TMIGD3: variants seen among roughly 807,000 people sequenced by gnomAD.
TMIGD3 encodes the protein transmembrane and immunoglobulin domain containing 3.
In TMIGD3, 21 loss-of-function variants were observed where a neutral mutation model predicts 28.1. The ratio of observed to expected loss-of-function variants is 0.75; its 90% CI spans 0.53 to 1.08. The LOEUF is 1.08. TMIGD3 is among the 50% of genes least tolerant of loss of function. The probability of loss-of-function intolerance (pLI) is 0.00; values close to 1 mark genes in which losing one functional copy is unlikely to be tolerated. For missense variants in TMIGD3, 416 were observed against 435.6 expected (o/e 0.96, Z 0.40); for synonymous variants, 151 against 162.1 (o/e 0.93, Z 0.52).
intron 5 of TMIGD3, among the ~76,000 whole-genome samples, chr1:111,484,357 A>G (rs1361134): frequency 0.59 from 89,205 of 151,766 alleles, 26,158 homozygotes; most frequent in Middle Eastern, 0.69. Flanking sequence ...GGGAGTATGA[A>G]AATGAGACCC....
chr1:111,538,040 C>T (rs1656698362), intron 1 of TMIGD3, among the ~76,000 whole-genome samples: 2 of 152,090 alleles, frequency 1.3e-5, no homozygotes, highest in African/African-American at 4.8e-5. Context: ...TTTGTTAACT[C>T]ATATGGCATT....
chr1:111,524,047 T>TTGGG (rs1553203774), intron 1 of TMIGD3, among the ~76,000 whole-genome samples: 4 of 130,332 alleles, frequency 3.1e-5, no homozygotes, highest in South Asian at 2.5e-4. Context: ...TTTTTTTTTT[T>TTGGG]GGGATGGAAT....
intron 1 of TMIGD3, among the ~76,000 whole-genome samples, chr1:111,497,030 A>T (rs539893588): frequency 2.6e-5 from 4 of 152,332 alleles, no homozygotes; most frequent in African/African-American, 7.2e-5. Flanking sequence ...CCTTTAGAAT[A>T]AAAGCCCGCA....
chr1:111,542,246 C>A, intron 1 of TMIGD3: 2 of 607,466 alleles, frequency 3.3e-6, no homozygotes, highest in Non-Finnish European at 6.1e-6. Flanking sequence ...GAAACACTGG[C>A]GGCACATATT....
At chr1:111,504,241 T>C (rs938090053), upstream of TMIGD3, 3 of 567,612 alleles carry the variant, frequency 5.3e-6, no homozygotes, top group African/African-American at 6.1e-5. Flanking sequence ...CCTAGCAAAA[T>C]CACACTGGCA....
chr1:111,489,593 G>A, intron 2 of TMIGD3: 2 of 1,131,272 alleles, frequency 1.8e-6, no homozygotes, highest in Non-Finnish European at 2.2e-6. Flanking sequence ...CTTTTCCCTG[G>A]CCTAAGGGTG....
At chr1:111,545,771 T>G (rs1295075740) in intron 1 of TMIGD3, among the ~76,000 whole-genome samples, 1 of 152,142 alleles carries the variant, frequency 6.6e-6, no homozygotes, top group Non-Finnish European at 1.5e-5. Context: ...AGTTAGTTAT[T>G]TGATCGATTT....
intron 1 of TMIGD3, among the ~76,000 whole-genome samples, chr1:111,558,046 A>T (rs1350413750): frequency 3.3e-5 from 5 of 152,232 alleles, no homozygotes; most frequent in African/African-American, 9.6e-5. Context: ...GAGAGAAAGG[A>T]ATAGGAATAA....
chr1:111,486,718 C>A, intron 3 of TMIGD3, 66 bp from the exon 4 acceptor site: 1 of 1,302,002 alleles, frequency 7.7e-7, no homozygotes, highest in Non-Finnish European at 1.1e-6. Context: ...TGCCTCCCAG[C>A]TGCAGCTCTG....
intron 1 of TMIGD3, among the ~76,000 whole-genome samples, chr1:111,532,946 G>A (rs911470008): frequency 3.3e-5 from 5 of 152,296 alleles, no homozygotes; most frequent in East Asian, 1.9e-4. Context: ...GTGGTTGCGG[G>A]TGGCCCTGTT....
intron 1 of TMIGD3, among the ~76,000 whole-genome samples, chr1:111,532,885 C>T (rs955527438): frequency 2.9e-4 from 44 of 152,300 alleles, no homozygotes; most frequent in Non-Finnish European, 6.0e-4. Flanking sequence ...AGAGCTTCTG[C>T]AATCTATTGG....
At chr1:111,505,441 G>A (rs1655454189), upstream of TMIGD3, among the ~76,000 whole-genome samples, 1 of 152,170 alleles carries the variant, frequency 6.6e-6, no homozygotes, top group African/African-American at 2.4e-5. Flanking sequence ...CACATACCAT[G>A]GGGGTTTCTT....
At chr1:111,549,934 T>G (rs1657195150) in intron 1 of TMIGD3, among the ~76,000 whole-genome samples, 1 of 152,194 alleles carries the variant, frequency 6.6e-6, no homozygotes, top group South Asian at 2.1e-4. Flanking sequence ...ATTACAGGCA[T>G]GAGCACCACA....
Position 111,517,795 on chromosome 1 carries a change from G to T in TMIGD3, c.108-27033C>A, listed in dbSNP as rs118064320. On this transcript the variant is annotated intron_variant, in intron 1 of 5. Coordinates refer to the TMIGD3 transcript ENST00000369717. Reference sequence around the variant, plus strand: ...TGGGTTGATGCACTTTTCTACTGCTGCATGGATTATCTATTTCTGTTTGGT... The same window carrying T: ...TGGGTTGATGCACTTTTCTACTGCTTCATGGATTATCTATTTCTGTTTGGT... Among the ~76,000 whole-genome samples, 32 of 152,274 alleles carry T rather than the reference G, an allele frequency of 2.1e-4. No individual in the cohort carries two copies. In the East Asian group the frequency reaches 6.2e-3, roughly 29 times the overall value.
At chr1:111,544,219 A>G (rs1366260999) in intron 1 of TMIGD3, among the ~76,000 whole-genome samples, 2 of 152,206 alleles carry the variant, frequency 1.3e-5, no homozygotes, top group Non-Finnish European at 2.9e-5. Flanking sequence ...TCCCTTGTTT[A>G]AAAAGTTGAG....
chr1:111,506,094 C>T (rs1571420684), upstream of TMIGD3, among the ~76,000 whole-genome samples: 1 of 152,154 alleles, frequency 6.6e-6, no homozygotes, highest in Non-Finnish European at 1.5e-5. Context: ...CCCAACAGGA[C>T]CTTGAAGAAA....
chr1:111,506,630 C>A (rs1431089629), upstream of TMIGD3, among the ~76,000 whole-genome samples: 2 of 152,060 alleles, frequency 1.3e-5, no homozygotes, highest in Non-Finnish European at 2.9e-5. Context: ...ACAAGGAGTC[C>A]CTGGGTTTGA....
At chr1:111,527,292 G>A (rs926666039) in intron 1 of TMIGD3, among the ~76,000 whole-genome samples, 10 of 152,228 alleles carry the variant, frequency 6.6e-5, no homozygotes, top group South Asian at 2.1e-4. Flanking sequence ...GATTACAGGC[G>A]TGAGCCACCG....
chr1:111,498,643 G>C (rs1389287393), intron 1 of TMIGD3, among the ~76,000 whole-genome samples: 1 of 152,212 alleles, frequency 6.6e-6, no homozygotes, highest in African/African-American at 2.4e-5. Context: ...TCTATTATTT[G>C]TTAATCATGA....
Sources: allele counts gnomAD v4.1 joint callset (sites outside exome capture counted in the v4.1 genomes callset), GRCh38; gene constraint gnomAD v4.1.1; transcripts MANE v1.5; gene names NCBI Gene and HGNC (gene_info 2026-07-23, HGNC 2026-07-21).